The following KCNIP4 variants were observed in gnomAD, a reference collection of about 807,000 sequenced individuals.
KCNIP4 encodes the protein potassium voltage-gated channel interacting protein 4, also known as Kv channel-interacting protein 4.
Under a neutral mutation model 34.0 loss-of-function variants are expected in KCNIP4, and 12 were observed. The observed-to-expected ratio is 0.35, with a 90% confidence interval of 0.23 to 0.57. The LOEUF (loss-of-function observed/expected upper bound fraction) is 0.57, where lower values mean the gene tolerates loss of function less well. KCNIP4 is among the 20% of genes least tolerant of loss of function. The pLI, the probability that KCNIP4 is intolerant of heterozygous loss-of-function variation, is 0.83. For synonymous variants in KCNIP4, 124 were observed against 102.2 expected (o/e 1.21, Z -1.29); for missense variants, 238 against 311.7 (o/e 0.76, Z 1.78).
In KCNIP4 at chr4:21,165,467, A is replaced by AG. The variant is rs1488837294; in HGVS notation, c.62-282759_62-282758insC. Among the ~76,000 whole-genome samples the AG allele has an allele frequency of 1.3e-3, 23 of 17,934 alleles. 2 individuals carry two copies. Among genetic ancestry groups the AG allele is most frequent in the Non-Finnish European group, 2.5e-3 (22 of 8,680 alleles). 11.8% of individuals were successfully genotyped at this position (17,934 alleles called of 152,430 possible). On this transcript the variant is annotated intron_variant, in intron 1 of 8. Transcript: ENST00000382152. ...AAAGCATCAAAAAAAAAAAAAAAAA[A>AG]AAAAAAAAGAAAATTATACTAAAAA...
At chr4:20,965,195 T>G (rs142590465) in intron 1 of KCNIP4, among the ~76,000 whole-genome samples, 6 of 152,232 alleles carry the variant, frequency 3.9e-5, no homozygotes, top group African/African-American at 1.4e-4. Context: ...TAAATAGAAG[T>G]ATTCACTGTC....
chr4:21,294,180 A>G (rs978588751), intron 1 of KCNIP4, among the ~76,000 whole-genome samples: 1 of 152,176 alleles, frequency 6.6e-6, no homozygotes, highest in Non-Finnish European at 1.5e-5. Flanking sequence ...TTAGCATCTA[A>G]TGCCATCTTC....
intron 1 of KCNIP4, among the ~76,000 whole-genome samples, chr4:21,454,425 G>T (rs547441908): frequency 6.6e-6 from 1 of 152,042 alleles, no homozygotes; most frequent in African/African-American, 2.4e-5. Flanking sequence ...GGCTTCAGTT[G>T]GTTCTAACAT....
intron 1 of KCNIP4, among the ~76,000 whole-genome samples, chr4:21,211,819 C>T (rs6448036): frequency 0.31 from 46,425 of 151,730 alleles, 7,323 homozygotes; most frequent in South Asian, 0.5. Context: ...AGGTTAAAAA[C>T]TTGCCCAAAT....
chr4:21,234,685 T>A (rs1204131410), intron 1 of KCNIP4, among the ~76,000 whole-genome samples: 1 of 150,022 alleles, frequency 6.7e-6, no homozygotes, highest in Non-Finnish European at 1.5e-5. Context: ...ACCCTCACTG[T>A]CACCCAGGCT....
At chr4:21,572,256 A>C (rs1460495162) in intron 1 of KCNIP4, among the ~76,000 whole-genome samples, 1 of 152,160 alleles carries the variant, frequency 6.6e-6, no homozygotes, top group African/African-American at 2.4e-5. Flanking sequence ...ACCAGTTTTG[A>C]ATCTCCTATT....
rs1254574500 is a variant in KCNIP4, at chr4:20,882,653, G to A, written c.118C>T (p.Leu40Phe). 2 of 1,613,692 alleles carry A rather than the reference G, an allele frequency of 1.2e-6. No individual in the cohort carries two copies. Among genetic ancestry groups the A allele is most frequent in the Non-Finnish European group, 1.7e-6 (2 of 1,179,870 alleles). The change falls in exon 2 of 9, where the codon CTC becomes TTC. Residue 40 changes from leucine (L) to phenylalanine (F), a missense_variant. Physicochemically the swap from Leu to Phe is conservative, Grantham distance 22 (BLOSUM62 0). Transcript: ENST00000382152. ...GTTTTGGCAGCTGAGCAGGGCAAGA[G>A]CTTCATGAGCCGCTCTTTAATGCTG... ...KRSIKERLMK[L>F]LPCSAAKTSS...
At chr4:21,774,878 T>C (rs1306524694) in intron 1 of KCNIP4, among the ~76,000 whole-genome samples, 1 of 152,154 alleles carries the variant, frequency 6.6e-6, no homozygotes, top group Non-Finnish European at 1.5e-5. Context: ...TTTCTTTGAA[T>C]TGGGTTAGAA....
chr4:21,804,674 T>A (rs1028950927), intron 1 of KCNIP4, among the ~76,000 whole-genome samples: 2 of 152,172 alleles, frequency 1.3e-5, no homozygotes, highest in Non-Finnish European at 2.9e-5. Context: ...TCTAAGATAT[T>A]CAAAATTTAC....
intron 1 of KCNIP4, among the ~76,000 whole-genome samples, chr4:21,508,367 G>A (rs189075931): frequency 6.6e-6 from 1 of 152,132 alleles, no homozygotes; most frequent in Non-Finnish European, 1.5e-5. Context: ...ACAACTCAGG[G>A]TTCCAAGCTC....
At chr4:21,800,155 T>C (rs1330175481) in intron 1 of KCNIP4, among the ~76,000 whole-genome samples, 3 of 152,142 alleles carry the variant, frequency 2.0e-5, no homozygotes, top group Non-Finnish European at 4.4e-5. Context: ...GTCCATTCTA[T>C]TGGTGTGTTA....
intron 3 of KCNIP4, among the ~76,000 whole-genome samples, chr4:20,841,373 A>G (rs1009419116): frequency 2.0e-5 from 3 of 152,138 alleles, no homozygotes; most frequent in African/African-American, 7.2e-5. Context: ...ATAGGGGAGG[A>G]GTCCACAAGC....
At chr4:21,335,483 T>C (rs1422908042) in intron 1 of KCNIP4, among the ~76,000 whole-genome samples, 1 of 152,190 alleles carries the variant, frequency 6.6e-6, no homozygotes, top group African/African-American at 2.4e-5. Context: ...AATCCAGGAT[T>C]TACCAGTTGC....
intron 1 of KCNIP4, among the ~76,000 whole-genome samples, chr4:21,474,425 T>C (rs1730741293): frequency 6.6e-6 from 1 of 152,158 alleles, no homozygotes; most frequent in Non-Finnish European, 1.5e-5. Flanking sequence ...AACGATCAAT[T>C]CATTGAACTC....
At chr4:20,841,866 T>C (rs950906558) in intron 3 of KCNIP4, among the ~76,000 whole-genome samples, 10 of 152,148 alleles carry the variant, frequency 6.6e-5, no homozygotes, top group African/African-American at 2.4e-4. Context: ...TGCTCACTCT[T>C]GCCTCATGAT....
intron 1 of KCNIP4, among the ~76,000 whole-genome samples, chr4:21,120,887 A>G (rs900448309): frequency 1.3e-5 from 2 of 152,198 alleles, no homozygotes; most frequent in Admixed American, 1.3e-4. Context: ...TGAAGAGTCC[A>G]TCTCCAAATA....
At chr4:21,860,144 G>GT (rs965820506) in intron 1 of KCNIP4, among the ~76,000 whole-genome samples, 11 of 151,796 alleles carry the variant, frequency 7.2e-5, no homozygotes, top group Admixed American at 2.0e-4. Flanking sequence ...GTTTTGTTTT[G>GT]TTTTTTTGAG....
At chr4:21,661,414 T>C (rs1370864804) in intron 1 of KCNIP4, among the ~76,000 whole-genome samples, 1 of 152,172 alleles carries the variant, frequency 6.6e-6, no homozygotes, top group Non-Finnish European at 1.5e-5. Context: ...ACTGTAGCAC[T>C]CCTGGACACT....
intron 3 of KCNIP4, among the ~76,000 whole-genome samples, chr4:20,769,072 CAAAA>C (rs5856579): frequency 3.0e-5 from 3 of 99,786 alleles, no homozygotes; most frequent in African/African-American, 3.3e-5. Context: ...GATTTACAGC[CAAAA>C]AAAAAAAAAA....
Sources: allele counts gnomAD v4.1 joint callset (sites outside exome capture counted in the v4.1 genomes callset), GRCh38; gene constraint gnomAD v4.1.1; transcripts MANE v1.5; gene names NCBI Gene and HGNC (gene_info 2026-07-23, HGNC 2026-07-21).